The following LVRN variants were observed in gnomAD, a reference collection of about 807,000 sequenced individuals.
LVRN encodes the protein aminopeptidase Q.
LVRN carries 99 observed loss-of-function variants against 111.4 expected under a neutral mutation model. The observed-to-expected ratio is 0.89, with a 90% CI of 0.76 to 1.05. The LOEUF is 1.05. LVRN is among the 50% of genes least tolerant of loss of function. The pLI is 0.00. For synonymous variants in LVRN, 488 were observed against 449.5 expected, an observed-to-expected ratio of 1.09 and a Z score of -1.08; for missense variants, 1,414 against 1,206.8, an observed-to-expected ratio of 1.17 and a Z score of -2.54.
intron 13 of LVRN, among the ~76,000 whole-genome samples, chr5:116,007,141 C>T (rs1748392377): frequency 1.3e-5 from 2 of 152,304 alleles, no homozygotes; most frequent in South Asian, 4.1e-4. Context: ...TAGCCTCCAG[C>T]CTTCGGTCCT....
rs370871146 is a variant in LVRN, at chr5:116,001,138, G to C, written c.1719G>C (p.Gln573His). The change falls in exon 10 of 20, where the codon CAG becomes CAC. Residue 573 changes from glutamine (Q) to histidine (H), a missense_variant. Gln to His is a conservative substitution (Grantham distance 24). Coordinates refer to ENST00000357872, the MANE Select transcript of LVRN (RefSeq NM_173800.5). ...IKNIMDSWTH[Q>H]SGFPVITLNV... ...ACATAATGGACAGTTGGACACACCA[G>C]AGTGGTTTTCCAGTGATCACTTTAA... is the stretch of plus-strand genomic sequence containing the variant. The C allele has an allele frequency of 3.7e-6, 6 of 1,613,884 alleles. No homozygotes were observed. The highest frequency in any genetic ancestry group is 5.1e-6 in the Non-Finnish European group (6 of 1,179,988).
In LVRN at chr5:116,010,754, G is replaced by C. The variant is rs780590655; in HGVS notation, c.2107G>C (p.Glu703Gln). 1 of 1,595,896 alleles carries C rather than the reference G, an allele frequency of 6.3e-7. No homozygotes were observed. The highest frequency in any genetic ancestry group is 1.4e-5 in the African/African-American group (1 of 73,750). The change falls in exon 14 of 20, where the codon GAG (glutamate) becomes CAG (glutamine). Residue 703 changes from glutamate (E) to glutamine (Q), a missense_variant. Physicochemically the swap from Glu to Gln is conservative, Grantham distance 29 (BLOSUM62 2). Transcript: ENST00000357872. ...AFSLSKNNYI[E>Q]IETALELTKY... is the part of the protein sequence containing the mutation. ...TAAATCAAACAGAAACAATTATATT[G>C]AGATTGAAACAGCACTTGAGTTAAC...
At chr5:115,964,463 A>C (rs1424452577) in intron 1 of LVRN, among the ~76,000 whole-genome samples, 1 of 152,228 alleles carries the variant, frequency 6.6e-6, no homozygotes, top group Non-Finnish European at 1.5e-5. Flanking sequence ...TCAATGCTTG[A>C]AAAAATAGTT....
intron 1 of LVRN, among the ~76,000 whole-genome samples, chr5:115,965,621 A>G (rs960636137): frequency 2.0e-5 from 3 of 152,166 alleles, no homozygotes. Context: ...CTTGAATTGT[A>G]GTTCCCATAA....
At chr5:116,012,637 G>A (rs1488148247) in intron 15 of LVRN, among the ~76,000 whole-genome samples, 169 bp downstream of exon 15, 2 of 152,188 alleles carry the variant, frequency 1.3e-5, no homozygotes, top group African/African-American at 2.4e-5. Context: ...TATTCTAACA[G>A]AAGTTAATCG....
Position 116,015,730 on chromosome 5 carries a change from CTTCTT to C in LVRN, c.2722_2726del (p.Phe908SerfsTer9). ...AAGTTGGCCGGTATGTCGCAAAAGACTTCTTAGTCAACAACTGGCAAGCTGTGAGT... is the reference window on the plus strand; with the variant it reads ...AAGTTGGCCGGTATGTCGCAAAAGACAGTCAACAACTGGCAAGCTGTGAGT... On this transcript the variant is annotated frameshift_variant, in exon 18 of 20. Coordinates refer to ENST00000357872, the MANE Select transcript of LVRN (RefSeq NM_173800.5). LOFTEE classifies it high-confidence loss of function. The C allele has an allele frequency of 2.5e-6, 4 of 1,613,354 alleles. No individual in the cohort carries two copies. The highest frequency in any genetic ancestry group is 3.4e-6 in the Non-Finnish European group (4 of 1,179,566).
chr5:115,993,726 T>C lies in LVRN; in HGVS notation c.1261-15T>C. 1.3e-6 allele frequency: 2 copies of C among 1,537,074 alleles called. No individual in the cohort carries two copies. Among genetic ancestry groups the C allele is most frequent in the South Asian group, 1.2e-5 (1 of 84,390 alleles). ...AAATTTAAGAAAGCTCTTTTTTTCT[T>C]CTCATTTCCAAAAGTGGTTTGGAAA... On this transcript the variant is annotated splice_polypyrimidine_tract_variant and intron_variant, in intron 5 of 19. Coordinates refer to ENST00000357872, the MANE Select transcript of LVRN (RefSeq NM_173800.5).
At position 115,984,725 on chromosome 5, in the gene LVRN, T is replaced by A. The variant is rs779898106; in HGVS notation, c.978+16T>A. 1 of 1,613,078 alleles carries A rather than the reference T, an allele frequency of 6.2e-7. No homozygotes were observed. The highest frequency in any genetic ancestry group is 8.5e-7 in the Non-Finnish European group (1 of 1,179,486). On this transcript the variant is annotated intron_variant, in intron 3 of 19. Coordinates refer to ENST00000357872, the MANE Select transcript of LVRN (RefSeq NM_173800.5). ...GGGCAAGGAGGTGAGTGAGGAAGAT[T>A]CTGTAGGTAAGGGAGATTGTACTGG...
intron 18 of LVRN, among the ~76,000 whole-genome samples, chr5:116,019,212 A>G (rs1055926857): frequency 6.6e-6 from 1 of 151,764 alleles, no homozygotes; most frequent in Non-Finnish European, 1.5e-5. Context: ...GTATTTAAAC[A>G]TATCTAAACA....
At chr5:115,970,152 A>G (rs1753291754) in intron 1 of LVRN, among the ~76,000 whole-genome samples, 1 of 152,182 alleles carries the variant, frequency 6.6e-6, no homozygotes, top group Non-Finnish European at 1.5e-5. Flanking sequence ...GTGGTGGTGA[A>G]ACCATCACTA....
In LVRN at chr5:115,963,320, C is replaced by A. The variant is rs774942995; in HGVS notation, c.695+8C>A. The A allele has an allele frequency of 3.2e-6, 5 of 1,582,174 alleles. No homozygotes were observed. Among genetic ancestry groups the A allele is most frequent in the Non-Finnish European group, 4.3e-6 (5 of 1,163,356 alleles). On this transcript the variant is annotated splice_region_variant and intron_variant, in intron 1 of 19. Coordinates refer to ENST00000357872, the MANE Select transcript of LVRN (RefSeq NM_173800.5). ...CGACCAGGGCGAGCGCAGGTAAGGGCTGTACAGCCCGGGGCCCCTCTCGGC... is the reference window on the plus strand; with the variant it reads ...CGACCAGGGCGAGCGCAGGTAAGGGATGTACAGCCCGGGGCCCCTCTCGGC...
chr5:115,983,151 G>C (rs1747749702), intron 1 of LVRN, 136 bp from the exon 2 acceptor site: 1 of 896,658 alleles, frequency 1.1e-6, no homozygotes, highest in South Asian at 1.9e-5. Context: ...GGTGTGATGG[G>C]ATGGGCAGTG....
intron 1 of LVRN, chr5:115,975,131 G>T (rs754801501): frequency 3.6e-5 from 15 of 417,760 alleles, no homozygotes; most frequent in Non-Finnish European, 6.0e-5. Context: ...TTTCAAATAA[G>T]ATTGTATGAG....
At chr5:115,984,251 A>C (rs527991530) in intron 2 of LVRN, among the ~76,000 whole-genome samples, 11 of 152,266 alleles carry the variant, frequency 7.2e-5, no homozygotes, top group African/African-American at 2.6e-4. Flanking sequence ...GTGTTGTGAG[A>C]AATGGGCTGG....
intron 3 of LVRN, among the ~76,000 whole-genome samples, chr5:115,987,148 G>A (rs1747887703): frequency 6.6e-6 from 1 of 151,982 alleles, no homozygotes; most frequent in African/African-American, 2.4e-5. Flanking sequence ...AAACAATAGT[G>A]TGGTCACACA....
intron 13 of LVRN, among the ~76,000 whole-genome samples, chr5:116,010,162 A>C (rs1748455222): frequency 6.6e-6 from 1 of 152,222 alleles, no homozygotes. Context: ...ACAATAAGCT[A>C]CTTTTAAATT....
chr5:115,988,272 C>G (rs1311558557), intron 4 of LVRN, among the ~76,000 whole-genome samples: 1 of 152,054 alleles, frequency 6.6e-6, no homozygotes, highest in Non-Finnish European at 1.5e-5. Context: ...GTCTGCAGTG[C>G]TGAGTCTGGA....
rs1196406941 is a variant in LVRN at position 115,963,051 on chromosome 5, T to G, written c.434T>G (p.Leu145Arg). ...VRCTVATSRL[L>R]LHSLFQDCER... ...TGCACGGTGGCCACCTCTCGACTGC[T>G]GCTGCATAGCCTCTTCCAGGACTGC... The change falls in exon 1 of 20, where the codon CTG becomes CGG. Residue 145 changes from leucine to arginine, a missense_variant. By Grantham distance (102) the Leu-to-Arg change is moderately radical. Transcript: ENST00000357872. 5 of 1,613,626 alleles carry G rather than the reference T, an allele frequency of 3.1e-6. No individual in the cohort carries two copies. The African/African-American group carries it at 5.3e-5, about 17-fold the overall frequency.
chr5:115,987,995 T>C, intron 4 of LVRN, 56 bp downstream of exon 4: 3 of 1,570,306 alleles, frequency 1.9e-6, no homozygotes, highest in Non-Finnish European at 2.6e-6. Flanking sequence ...GGGCCCTTGG[T>C]TGAGGCCTCA....
Sources: gnomAD v4.1 joint callset for allele counts (sites outside exome capture counted in the v4.1 genomes callset) on GRCh38, gnomAD v4.1.1 for gene constraint, MANE v1.5 for transcripts, NCBI Gene and HGNC (gene_info 2026-07-23, HGNC 2026-07-21) for gene names.